TNIK: variants seen among roughly 807,000 people sequenced by gnomAD.
The protein encoded by TNIK is TRAF2 and NCK-interacting protein kinase.
Under a neutral mutation model 191.3 loss-of-function variants are expected in TNIK, and 49 were observed. That is an observed-to-expected ratio of 0.26 (90% CI 0.20 to 0.32). The LOEUF (loss-of-function observed/expected upper bound fraction) is 0.32, where lower values mean the gene tolerates loss of function less well. TNIK is among the 10% of genes least tolerant of loss of function. The pLI is 1.00. For synonymous variants in TNIK, 594 were observed against 600.9 expected, an observed-to-expected ratio of 0.99 and a Z score of 0.17; for missense variants, 1,155 against 1,702.3, an observed-to-expected ratio of 0.68 and a Z score of 5.66.
At chr3:171,158,785 T>C (rs1733568536) in intron 11 of TNIK, among the ~76,000 whole-genome samples, 1 of 152,204 alleles carries the variant, frequency 6.6e-6, no homozygotes, top group Non-Finnish European at 1.5e-5. Flanking sequence ...TGACAGTGGC[T>C]GGGAGCTGAG....
At chr3:171,311,099 T>C (rs1753965919) in intron 2 of TNIK, among the ~76,000 whole-genome samples, 1 of 152,022 alleles carries the variant, frequency 6.6e-6, no homozygotes. Context: ...GTGAGCTTTA[T>C]TTGCAAATAT....
chr3:171,448,340 C>T (rs1727762403), intron 1 of TNIK, among the ~76,000 whole-genome samples: 1 of 152,120 alleles, frequency 6.6e-6, no homozygotes, highest in South Asian at 2.1e-4. Context: ...TTGCTTATTC[C>T]AGACATTTTA....
At chr3:171,208,150 G>C (rs1740328500) in intron 4 of TNIK, among the ~76,000 whole-genome samples, 1 of 152,090 alleles carries the variant, frequency 6.6e-6, no homozygotes, top group Admixed American at 6.6e-5. Context: ...AGGCAAGAAA[G>C]TGAGACAAAA....
intron 3 of TNIK, among the ~76,000 whole-genome samples, chr3:171,223,662 T>G (rs1207364919): frequency 2.0e-5 from 3 of 152,192 alleles, no homozygotes; most frequent in African/African-American, 7.2e-5. Flanking sequence ...TCATGGAACC[T>G]GCTTGGTTAG....
intron 2 of TNIK, among the ~76,000 whole-genome samples, chr3:171,342,571 G>A (rs1197700673): frequency 6.6e-6 from 1 of 152,144 alleles, no homozygotes; most frequent in Non-Finnish European, 1.5e-5. Context: ...ACAACTGAGA[G>A]TTTCCAATGG....
At chr3:171,092,948 G>T (rs979601173) in intron 23 of TNIK, among the ~76,000 whole-genome samples, 2 of 152,140 alleles carry the variant, frequency 1.3e-5, no homozygotes, top group African/African-American at 4.8e-5. Context: ...AGGAGAGAGT[G>T]AAATAAAATA....
At chr3:171,096,520 C>T (rs996894208) in intron 22 of TNIK, among the ~76,000 whole-genome samples, 6 of 152,158 alleles carry the variant, frequency 3.9e-5, no homozygotes, top group Non-Finnish European at 8.8e-5. Context: ...CCTAACTCTA[C>T]CAGCATTTAA....
intron 2 of TNIK, among the ~76,000 whole-genome samples, chr3:171,359,807 C>T (rs377048431): frequency 1.3e-5 from 2 of 152,294 alleles, no homozygotes; most frequent in African/African-American, 4.8e-5. Flanking sequence ...TCAAATGTTT[C>T]CCATGTACAA....
Position 171,084,261 on chromosome 3 carries a change from C to G in TNIK, c.3063G>C (p.Ser1021=). 1 of 1,613,746 alleles carries G rather than the reference C, an allele frequency of 6.2e-7. No homozygotes were observed. Residue 1021 remains serine (S), a synonymous_variant, in exon 26 of 33, where the codon TCG becomes TCC. Coordinates refer to ENST00000436636, the MANE Select transcript of TNIK (RefSeq NM_015028.4). Reference sequence around the variant, plus strand: ...TGTTGGTTGGGTTTACATTTACCACCGAAATCTTTCTTGCTTCATTGAGTT... The same window carrying G: ...TGTTGGTTGGGTTTACATTTACCACGGAAATCTTTCTTGCTTCATTGAGTT... ...QAKLNEARKI[S]VVNVNPTNIR...
chr3:171,321,260 C>A (rs974668542), intron 2 of TNIK, among the ~76,000 whole-genome samples: 4 of 151,966 alleles, frequency 2.6e-5, no homozygotes, highest in African/African-American at 9.7e-5. Context: ...ATAGATTTTC[C>A]CTTAAATTCC....
At chr3:171,335,222 T>G (rs1384516080) in intron 2 of TNIK, among the ~76,000 whole-genome samples, 1 of 152,184 alleles carries the variant, frequency 6.6e-6, no homozygotes, top group Non-Finnish European at 1.5e-5. Context: ...AAAATTTTGT[T>G]GAAAGGCTGG....
intron 1 of TNIK, among the ~76,000 whole-genome samples, chr3:171,393,802 A>G (rs1719875623): frequency 6.6e-6 from 1 of 151,356 alleles, no homozygotes; most frequent in African/African-American, 2.4e-5. Context: ...TTTATCAGGT[A>G]TTTATTCTAT....
chr3:171,406,885 T>C (rs1721765943), intron 1 of TNIK, among the ~76,000 whole-genome samples: 1 of 152,192 alleles, frequency 6.6e-6, no homozygotes, highest in Non-Finnish European at 1.5e-5. Flanking sequence ...ACATCTAAGA[T>C]AACACAGCGA....
At chr3:171,242,159 T>TA (rs59090516) in intron 2 of TNIK, among the ~76,000 whole-genome samples, 61,697 of 142,360 alleles carry the variant, frequency 0.43, 13,172 homozygotes, top group East Asian at 0.56. Context: ...GAACTTAAAT[T>TA]AAAAAAAAAA....
rs376653606 is a variant in TNIK at position 171,140,419 on chromosome 3, T to G, written c.1312A>C (p.Arg438=). The change falls in exon 13 of 33, where the codon AGG becomes CGG. Residue 438 remains arginine, a synonymous_variant. Coordinates refer to ENST00000436636, the MANE Select transcript of TNIK (RefSeq NM_015028.4). ...EEQMRREEER[R]RAEHEQEYIR... The stretch of plus-strand genomic sequence containing the variant: ...TGTACCTGTTCATGCTCCGCACGCC[T>G]CCTCTCCTCCTCCCGGCGCATCTGC... The G allele has an allele frequency of 8.4e-5, 134 of 1,604,662 alleles. No homozygotes were observed. Among genetic ancestry groups the G allele is most frequent in the Middle Eastern group, 1.7e-4 (1 of 6,026 alleles).
At chr3:171,293,930 T>C (rs1051138627) in intron 2 of TNIK, among the ~76,000 whole-genome samples, 1 of 151,870 alleles carries the variant, frequency 6.6e-6, no homozygotes, top group Non-Finnish European at 1.5e-5. Flanking sequence ...AAATAAAAAA[T>C]ATAAAACTGG....
intron 2 of TNIK, among the ~76,000 whole-genome samples, chr3:171,357,728 AGG>A (rs1459926597): frequency 2.6e-5 from 4 of 152,140 alleles, no homozygotes; most frequent in Non-Finnish European, 5.9e-5. Context: ...CCCATTGGGC[AGG>A]TGCTGCCTGA....
In TNIK at chr3:171,110,783, G is replaced by T; in HGVS notation, c.2215C>A (p.Gln739Lys). The part of the protein sequence containing the change: ...SSSSSSTPSS[Q>K]PSSQGGSQPG... ...TGGGAGCCTCCTTGGGAGCTGGGCTGGGAGCTAGGGGTGCTGGAGCTGGAG... is the reference window on the plus strand; with the variant it reads ...TGGGAGCCTCCTTGGGAGCTGGGCTTGGAGCTAGGGGTGCTGGAGCTGGAG... The change falls in exon 19 of 33, where the codon CAG becomes AAG. Residue 739 changes from glutamine (Q) to lysine (K), a missense_variant. Physicochemically the swap from Gln to Lys is moderately conservative, Grantham distance 53 (BLOSUM62 1). This residue lies in a region of TNIK where 735 missense variants were observed against 848.0 expected (regional missense o/e 0.87). Coordinates refer to ENST00000436636, the MANE Select transcript of TNIK (RefSeq NM_015028.4). 6.2e-7 allele frequency: 1 copy of T among 1,603,860 alleles called. No individual in the cohort carries two copies. Among genetic ancestry groups the T allele is most frequent in the Admixed American group, 1.7e-5 (1 of 58,754 alleles).
At chr3:171,120,521 G>A (rs899206269) in intron 18 of TNIK, among the ~76,000 whole-genome samples, 73 of 151,958 alleles carry the variant, frequency 4.8e-4, no homozygotes, top group Admixed American at 2.7e-3. Context: ...GGGTTTCACC[G>A]TGTTAGCCAG....
Sources: gnomAD v4.1 joint callset for allele counts (sites outside exome capture counted in the v4.1 genomes callset) on GRCh38, gnomAD v4.1.1 for gene constraint, gnomAD v4.1.1 regional missense constraint, MANE v1.5 for transcripts, NCBI Gene and HGNC (gene_info 2026-07-23, HGNC 2026-07-21) for gene names.